Variants in RARB observed in about 807,000 individuals in gnomAD.
The protein encoded by RARB is retinoic acid receptor beta.
RARB carries 17 observed loss-of-function variants against 51.9 expected under a neutral mutation model. That is an observed-to-expected ratio of 0.33 (90% CI 0.22 to 0.49). The LOEUF is 0.49. Among genes scored for constraint, RARB ranks in the 20% least tolerant of loss-of-function variants. The pLI is 0.99. For missense variants in RARB, 369 were observed against 550.8 expected (o/e 0.67, Z 3.30); for synonymous variants, 215 against 195.4 (o/e 1.10, Z -0.84).
intron 3 of RARB, among the ~76,000 whole-genome samples, chr3:25,089,051 G>A (rs1699151460): frequency 6.7e-6 from 1 of 149,470 alleles, no homozygotes; most frequent in Non-Finnish European, 1.5e-5. Context: ...TTTCTAAGTT[G>A]ACATTTCTTT....
At chr3:25,031,975 TTATTATTC>T (rs1697885992) in intron 2 of RARB, among the ~76,000 whole-genome samples, 1 of 152,216 alleles carries the variant, frequency 6.6e-6, no homozygotes, top group Admixed American at 6.5e-5. Flanking sequence ...AGTTGATAAT[TTATTATTC>T]CTCAGAGAGT....
chr3:25,300,837 T>TA (rs914565577), intron 5 of RARB, among the ~76,000 whole-genome samples: 20 of 149,286 alleles, frequency 1.3e-4, no homozygotes, highest in Admixed American at 5.3e-4. Flanking sequence ...TAAAATAAAA[T>TA]AAAAAAAAAA....
At chr3:24,991,107 ATT>A (rs542868299) in intron 2 of RARB, among the ~76,000 whole-genome samples, 200 of 152,312 alleles carry the variant, frequency 1.3e-3, no homozygotes, top group African/African-American at 4.6e-3. Flanking sequence ...AGTCTTCAAT[ATT>A]TTGTTTTGAA....
chr3:25,059,703 T>C (rs1698509511), intron 2 of RARB, among the ~76,000 whole-genome samples: 1 of 151,552 alleles, frequency 6.6e-6, no homozygotes, highest in Non-Finnish European at 1.5e-5. Flanking sequence ...ATGAACAAAT[T>C]ACAAGAGAAT....
intron 5 of RARB, among the ~76,000 whole-genome samples, chr3:25,366,646 C>G (rs1035574906): frequency 6.6e-6 from 1 of 152,192 alleles, no homozygotes. Context: ...TGGTCAACCA[C>G]TGTTTTCAAA....
intron 2 of RARB, among the ~76,000 whole-genome samples, chr3:24,860,169 G>A: frequency 6.6e-6 from 1 of 152,162 alleles, no homozygotes; most frequent in East Asian, 1.9e-4. Context: ...CCTCTTGGGG[G>A]TAGGCATCAT....
At chr3:25,085,672 G>T (rs76763814) in intron 3 of RARB, among the ~76,000 whole-genome samples, 2,961 of 152,124 alleles carry the variant, frequency 0.019, 92 homozygotes, top group African/African-American at 0.062. Flanking sequence ...CTTGTTCAGT[G>T]CCTGCCCAAA....
intron 4 of RARB, among the ~76,000 whole-genome samples, chr3:25,152,415 T>C (rs1700302247): frequency 6.6e-6 from 1 of 152,132 alleles, no homozygotes; most frequent in South Asian, 2.1e-4. Context: ...CCAAAGAGGG[T>C]TTATTTTGTG....
At chr3:24,927,168 C>T (rs911660413) in intron 2 of RARB, among the ~76,000 whole-genome samples, 10 of 151,952 alleles carry the variant, frequency 6.6e-5, no homozygotes, top group African/African-American at 2.2e-4. Context: ...ATATTTCATC[C>T]AATAAATTTG....
chr3:25,130,294 C>G (rs972335142), intron 3 of RARB, among the ~76,000 whole-genome samples: 8 of 152,016 alleles, frequency 5.3e-5, no homozygotes, highest in Admixed American at 5.3e-4. Context: ...CCCTACTTGT[C>G]TTTTAGGGCT....
chr3:25,164,331 C>G (rs138493065), intron 4 of RARB, among the ~76,000 whole-genome samples: 2 of 152,172 alleles, frequency 1.3e-5, no homozygotes, highest in Non-Finnish European at 2.9e-5. Context: ...TAGGAAGGTC[C>G]TAAGGTGTCC....
chr3:25,391,974 G>T (rs1475032105), intron 5 of RARB, among the ~76,000 whole-genome samples: 2 of 152,142 alleles, frequency 1.3e-5, no homozygotes, highest in African/African-American at 4.8e-5. Context: ...CTAAGCCAAT[G>T]TCTAGAATGG....
At chr3:24,987,688 G>A (rs538585761) in intron 2 of RARB, among the ~76,000 whole-genome samples, 12 of 152,200 alleles carry the variant, frequency 7.9e-5, no homozygotes, top group Non-Finnish European at 1.5e-4. Context: ...GGTGGAAAAA[G>A]ATGATTTTTC....
chr3:25,583,030 A>G (rs1701240879), intron 5 of RARB, among the ~76,000 whole-genome samples: 1 of 152,158 alleles, frequency 6.6e-6, no homozygotes, highest in Admixed American at 6.5e-5. Context: ...GAAACTTTCA[A>G]CCACTCCTTC....
chr3:24,954,877 C>T (rs968674911), intron 2 of RARB, among the ~76,000 whole-genome samples: 1 of 152,140 alleles, frequency 6.6e-6, no homozygotes, highest in African/African-American at 2.4e-5. Flanking sequence ...GGGGAGCATG[C>T]AGGTGAGTGG....
At chr3:25,428,192 G>A, upstream of RARB, 1 of 1,208,526 alleles carries the variant, frequency 8.3e-7, no homozygotes, top group Non-Finnish European at 1.0e-6. Context: ...GTCATTTGAA[G>A]GTTAGCAGCC....
At chr3:25,315,150 G>A (rs144167433) in intron 5 of RARB, among the ~76,000 whole-genome samples, 70 of 152,160 alleles carry the variant, frequency 4.6e-4, no homozygotes, top group African/African-American at 1.6e-3. Flanking sequence ...TTAAGAGTAC[G>A]GGGCAGCTCT....
intron 2 of RARB, among the ~76,000 whole-genome samples, chr3:25,463,652 A>G (rs551966072): frequency 6.8e-6 from 1 of 147,706 alleles, no homozygotes; most frequent in East Asian, 2.1e-4. Flanking sequence ...ACAGAGTGAG[A>G]CTCCATCTCA....
At chr3:25,215,661 G>C (rs768491529) in intron 5 of RARB, among the ~76,000 whole-genome samples, 14 of 152,130 alleles carry the variant, frequency 9.2e-5, no homozygotes, top group Non-Finnish European at 2.1e-4. Flanking sequence ...TTCTCTCGAT[G>C]ATGATTTGAA....
Sources: allele counts gnomAD v4.1 joint callset (sites outside exome capture counted in the v4.1 genomes callset), GRCh38; gene constraint gnomAD v4.1.1; transcripts MANE v1.5; gene names NCBI Gene and HGNC (gene_info 2026-07-23, HGNC 2026-07-21).